Variants in POU2F2 observed in about 807,000 individuals in gnomAD.
POU2F2 encodes POU domain, class 2, transcription factor 2.
Under a neutral mutation model 63.5 loss-of-function variants are expected in POU2F2, and 14 were observed. That is an observed-to-expected ratio of 0.22 (90% confidence interval 0.15 to 0.34). POU2F2 has a LOEUF of 0.34. Among genes scored for constraint, POU2F2 ranks in the 10% least tolerant of loss-of-function variants. The pLI is 1.00. For missense variants in POU2F2, 607 were observed against 815.2 expected (o/e 0.74, Z 3.11); for synonymous variants, 306 against 348.6 (o/e 0.88, Z 1.36).
intron 1 of POU2F2, among the ~76,000 whole-genome samples, chr19:42,182,977 G>C (rs1303360140): frequency 6.6e-6 from 1 of 152,208 alleles, no homozygotes; most frequent in East Asian, 1.9e-4. Flanking sequence ...GGGCAGAGAA[G>C]TGAGGGCCTG....
chr19:42,158,645 A>G (rs2034499885), intron 2 of POU2F2, among the ~76,000 whole-genome samples: 1 of 152,246 alleles, frequency 6.6e-6, no homozygotes. Flanking sequence ...ACTGGAATGT[A>G]CCAGCCCTGT....
rs756404825 is a variant in POU2F2 at position 42,117,433 on chromosome 19, C to G, written c.187-1G>C. ...AGTGGAGGCCAGAGAGAATGCCCAC[C>G]TGTGAACCAAAGAGAGGGCACGTGT... On this transcript the variant is annotated splice_acceptor_variant, in intron 4 of 14. Coordinates refer to ENST00000692977, the MANE Select transcript of POU2F2 (RefSeq NM_001394376.1). LOFTEE classifies it high-confidence loss of function. The surrounding 1 kb of genome is among the most constrained non-coding windows in gnomAD (Gnocchi z 4.4). 4 of 1,160,982 alleles carry G rather than the reference C, an allele frequency of 3.4e-6. No individual in the cohort carries two copies. The highest frequency in any genetic ancestry group is 5.2e-5 in the East Asian group (2 of 38,762). 71.9% of individuals were successfully genotyped at this position (1,160,982 alleles called of 1,614,324 possible).
chr19:42,154,515 T>C (rs1269105652), intron 2 of POU2F2, among the ~76,000 whole-genome samples: 1 of 150,712 alleles, frequency 6.6e-6, no homozygotes, highest in Non-Finnish European at 1.5e-5. Context: ...GAAAACCCAG[T>C]GATGGAGCCA....
chr19:42,091,395 G>C lies in POU2F2; in HGVS notation c.1737C>G (p.Ala579=). 8 of 1,545,070 alleles carry C rather than the reference G, an allele frequency of 5.2e-6. No individual in the cohort carries two copies. The South Asian group carries it at 9.5e-5, about 18-fold the overall frequency. The stretch of plus-strand genomic sequence containing the variant: ...GGCCAGGAGACTTGCTGGAGATGGA[G>C]GCTGCCACAGCCGCAGCCGCTGCTG... The part of the protein sequence containing the change: ...LVSAAAAAVA[A]SISSKSPGLS... Residue 579 remains alanine, a synonymous_variant, in exon 15 of 15, where the codon GCC becomes GCG. Coordinates refer to ENST00000692977, the MANE Select transcript of POU2F2 (RefSeq NM_001394376.1).
chr19:42,137,543 G>A (rs956291279), intron 2 of POU2F2, among the ~76,000 whole-genome samples: 5 of 152,044 alleles, frequency 3.3e-5, no homozygotes, highest in East Asian at 1.9e-4. Flanking sequence ...ACAACATATC[G>A]AGACCCCATC....
chr19:42,122,984 C>T (rs922737781), intron 1 of POU2F2, among the ~76,000 whole-genome samples: 1 of 152,138 alleles, frequency 6.6e-6, no homozygotes, highest in African/African-American at 2.4e-5. Flanking sequence ...CCCGTCCTGC[C>T]CTACCAGGTT....
At chr19:42,091,723 C>G in intron 14 of POU2F2, 132 bp from the exon 15 acceptor site, 1 of 1,551,228 alleles carries the variant, frequency 6.4e-7, no homozygotes, top group Non-Finnish European at 8.7e-7. Context: ...CCCCTCACAC[C>G]TTCCCCAAAG....
chr19:42,124,906 G>T (rs1013734059), intron 1 of POU2F2, among the ~76,000 whole-genome samples: 1 of 152,162 alleles, frequency 6.6e-6, no homozygotes, highest in Non-Finnish European at 1.5e-5. Context: ...CACCTTGGGG[G>T]TACTGACTGG....
At chr19:42,171,351 G>A (rs1361909536) in intron 1 of POU2F2, among the ~76,000 whole-genome samples, 4 of 152,004 alleles carry the variant, frequency 2.6e-5, no homozygotes, top group African/African-American at 7.3e-5. Context: ...GGGATAGGAA[G>A]TCAGCAGCTG....
intron 5 of POU2F2, among the ~76,000 whole-genome samples, chr19:42,100,253 A>G (rs1055281441): frequency 6.6e-6 from 1 of 150,728 alleles, no homozygotes; most frequent in Non-Finnish European, 1.5e-5. Flanking sequence ...CACCACTCCC[A>G]GCTAATTTTT....
rs762041665 is a variant in POU2F2 at position 42,095,706 on chromosome 19, G to GAT, written c.872-14_872-13insAT. 1.4e-5 allele frequency: 22 copies of GAT among 1,611,706 alleles called. No individual in the cohort carries two copies. The African/African-American group carries it at 2.9e-4, about 21-fold the overall frequency. ...ACAGACATAGTCTCTGTGCGCCGGG[G>GAT]GAGACGTGAGCATGAGAAGGGGCCT... On this transcript the variant is annotated splice_polypyrimidine_tract_variant and intron_variant, in intron 9 of 14. Coordinates refer to ENST00000692977, the MANE Select transcript of POU2F2 (RefSeq NM_001394376.1). This position sits in a 1 kb window ranked among gnomAD's most constrained non-coding sequence, Gnocchi z 7.1.
chr19:42,091,113 G>C lies in POU2F2; in HGVS notation c.*144C>G. ...TCTTTCCTTTTTTTTTTTTTTTTTG[G>C]TTGGTTGTTTTTTTGGTCTTTCCTC... On this transcript the variant is annotated 3_prime_UTR_variant, in exon 15 of 15. Coordinates refer to ENST00000692977, the MANE Select transcript of POU2F2 (RefSeq NM_001394376.1). The C allele has an allele frequency of 2.1e-6, 1 of 477,610 alleles. No homozygotes were observed. The highest frequency in any genetic ancestry group is 3.2e-6 in the Non-Finnish European group (1 of 311,416). 29.6% of individuals were successfully genotyped at this position (477,610 alleles called of 1,614,324 possible).
chr19:42,189,937 A>G (rs571487432), intron 1 of POU2F2, among the ~76,000 whole-genome samples: 1 of 152,108 alleles, frequency 6.6e-6, no homozygotes, highest in Non-Finnish European at 1.5e-5. Flanking sequence ...TATGTTGCCC[A>G]TTCTGGTCTT....
rs952515446 is a variant in POU2F2, at chr19:42,145,933, CAA to C, written c.-9+14397_-9+14398del. On this transcript the variant is annotated intron_variant, in intron 2 of 6. Coordinates refer to the POU2F2 transcript ENST00000524801. The stretch of plus-strand genomic sequence containing the variant: ...TGGGTGACAAAGCGAGACTCTGTCT[CAA>C]AAAAAAAAGAGTTCTGCTTCCCAGG... Among the ~76,000 whole-genome samples the C allele has an allele frequency of 5.1e-5, 6 of 118,566 alleles. No homozygotes were observed. The South Asian group carries it at 8.4e-4, about 17-fold the overall frequency. 77.8% of individuals were successfully genotyped at this position (118,566 alleles called of 152,430 possible).
chr19:42,092,096 C>T lies in POU2F2; in HGVS notation c.1439G>A (p.Gly480Asp). Residue 480 changes from glycine to aspartate, a missense_variant, in exon 13 of 15, where the codon GGC becomes GAC. Gly to Asp is a moderately conservative substitution (Grantham distance 94). Coordinates refer to ENST00000692977, the MANE Select transcript of POU2F2 (RefSeq NM_001394376.1). This position sits in a 1 kb window ranked among gnomAD's most constrained non-coding sequence, Gnocchi z 5.0. ...CGTGCTGGGGTTCAGGCCTGACAAG[C>T]CGATAGCCGAGTGGCTGCCTTGAGG... ...PSPQGSHSAI[G>D]LSGLNPSTGS... 1.9e-6 allele frequency: 3 copies of T among 1,595,698 alleles called. No individual in the cohort carries two copies. Among genetic ancestry groups the T allele is most frequent in the East Asian group, 4.5e-5 (2 of 44,754 alleles).
intron 1 of POU2F2, among the ~76,000 whole-genome samples, chr19:42,183,995 A>ATTT (rs577786741): frequency 1.3e-4 from 16 of 125,752 alleles, no homozygotes; most frequent in East Asian, 4.7e-4. Flanking sequence ...ACGACTGGGG[A>ATTT]TTTTTTTTTT....
chr19:42,148,087 G>A (rs1213831984), intron 2 of POU2F2, among the ~76,000 whole-genome samples: 1 of 150,208 alleles, frequency 6.7e-6, no homozygotes, highest in Non-Finnish European at 1.5e-5. Context: ...TTCATCCTTC[G>A]CCCCCAAAGC....
chr19:42,155,219 G>A lies in POU2F2; in HGVS notation c.-9+5113C>T, dbSNP rs540710736. 1.1e-4 allele frequency among the ~76,000 whole-genome samples: 16 copies of A among 152,316 alleles called. No homozygotes were observed. Among genetic ancestry groups the A allele is most frequent in the African/African-American group, 3.6e-4 (15 of 41,568 alleles). ...ATCTTTCTCTGATGCACTCTCATGC[G>A]CTCAGCTCGCATGCACGCGCCCTCT... On this transcript the variant is annotated intron_variant, in intron 2 of 6. Transcript: ENST00000524801. This position sits in a 1 kb window ranked among gnomAD's most constrained non-coding sequence, Gnocchi z 4.2.
rs889751724 is a variant in POU2F2, at chr19:42,155,023, G to A, written c.-9+5309C>T. Among the ~76,000 whole-genome samples the A allele has an allele frequency of 8.5e-5, 13 of 152,168 alleles. No homozygotes were observed. The highest frequency in any genetic ancestry group is 5.2e-4 in the Admixed American group (8 of 15,272). On this transcript the variant is annotated intron_variant, in intron 2 of 6. Coordinates refer to the POU2F2 transcript ENST00000524801. The surrounding 1 kb of genome is among the most constrained non-coding windows in gnomAD (Gnocchi z 4.2). Reference sequence around the variant, plus strand: ...CCACACACAGTCCACACACACCAGGGCCTTGGCCAATTTCCTCGTACTCTG... The same window carrying A: ...CCACACACAGTCCACACACACCAGGACCTTGGCCAATTTCCTCGTACTCTG...
Sources: allele counts gnomAD v4.1 joint callset (sites outside exome capture counted in the v4.1 genomes callset), GRCh38; gene constraint gnomAD v4.1.1; non-coding constraint Gnocchi (gnomAD v3.1); transcripts MANE v1.5; gene names NCBI Gene and HGNC (gene_info 2026-07-23, HGNC 2026-07-21).